BMERB1: variants seen among roughly 807,000 people sequenced by gnomAD.
BMERB1 encodes bMERB domain containing 1, also known as bMERB domain-containing protein 1.
BMERB1 carries 12 observed loss-of-function variants against 23.6 expected under a neutral mutation model. The observed-to-expected ratio is 0.51, with a 90% CI of 0.33 to 0.82. BMERB1 has a LOEUF of 0.82. Ranked by LOEUF, BMERB1 falls within the 40% of genes least tolerant of loss-of-function variation. The pLI, the probability that BMERB1 is intolerant of heterozygous loss-of-function variation, is 0.03. For missense variants in BMERB1, 247 were observed against 255.4 expected (o/e 0.97, Z 0.22); for synonymous variants, 122 against 96.6 (o/e 1.26, Z -1.54).
At chr16:15,468,089 T>C (rs550401723) in intron 1 of BMERB1, among the ~76,000 whole-genome samples, 1 of 151,844 alleles carries the variant, frequency 6.6e-6, no homozygotes, top group African/African-American at 2.4e-5. Flanking sequence ...ATATTTCTTT[T>C]CTTTTTTTTT....
At chr16:15,441,853 A>G (rs1350380618) in intron 1 of BMERB1, among the ~76,000 whole-genome samples, 2 of 152,158 alleles carry the variant, frequency 1.3e-5, no homozygotes, top group African/African-American at 4.8e-5. Context: ...CATGTTGGGT[A>G]CTAGATGGGG....
At chr16:15,521,668 C>T (rs972859958) in intron 2 of BMERB1, among the ~76,000 whole-genome samples, 1 of 152,120 alleles carries the variant, frequency 6.6e-6, no homozygotes, top group African/African-American at 2.4e-5. Context: ...TTGCTTGACC[C>T]CTGGTTTCCA....
rs114626533 is a variant in BMERB1 at position 15,457,917 on chromosome 16, A to C, written c.106+23158A>C. Among the ~76,000 whole-genome samples, 576 of 152,326 alleles carry C rather than the reference A, an allele frequency of 3.8e-3. 4 individuals are homozygous for C. Among genetic ancestry groups the C allele is most frequent in the African/African-American group, 0.013 (560 of 41,570 alleles). On this transcript the variant is annotated intron_variant, in intron 1 of 5. Coordinates refer to ENST00000300006, the MANE Select transcript of BMERB1 (RefSeq NM_033201.3). Reference sequence around the variant, plus strand: ...AGAAAGCAAACATATCCTTCTTCACAGGGCAGTAGAAGAGAAAGAACGAGC... The same window carrying C: ...AGAAAGCAAACATATCCTTCTTCACCGGGCAGTAGAAGAGAAAGAACGAGC...
chr16:15,520,514 A>G (rs1362465581), intron 2 of BMERB1, among the ~76,000 whole-genome samples: 1 of 135,222 alleles, frequency 7.4e-6, no homozygotes, highest in African/African-American at 2.9e-5. Flanking sequence ...AAGAGTCTCG[A>G]TCTGCCACCC....
intron 2 of BMERB1, among the ~76,000 whole-genome samples, chr16:15,553,054 C>A (rs1598515462): frequency 3.3e-5 from 5 of 152,246 alleles, no homozygotes; most frequent in African/African-American, 1.2e-4. Context: ...GTTGCCCAGG[C>A]TGGAGTTCAG....
intron 2 of BMERB1, among the ~76,000 whole-genome samples, chr16:15,519,710 C>G (rs2051825951): frequency 6.6e-6 from 1 of 151,922 alleles, no homozygotes; most frequent in Admixed American, 6.6e-5. Flanking sequence ...AGCATGAGTC[C>G]GGGGGGGACT....
chr16:15,462,139 T>G (rs947391940), intron 1 of BMERB1, among the ~76,000 whole-genome samples: 20 of 10,370 alleles, frequency 1.9e-3, no homozygotes, highest in African/African-American at 6.6e-3. Flanking sequence ...TGTCCTGCCT[T>G]TTTTTTTTTT....
intron 1 of BMERB1, among the ~76,000 whole-genome samples, chr16:15,511,775 G>A (rs2051668545): frequency 6.6e-6 from 1 of 152,108 alleles, no homozygotes; most frequent in African/African-American, 2.4e-5. Flanking sequence ...ACTTTGGGAA[G>A]CCAAGGCTGG....
intron 1 of BMERB1, among the ~76,000 whole-genome samples, chr16:15,499,872 A>G (rs534510317): frequency 8.9e-4 from 135 of 152,324 alleles, no homozygotes; most frequent in African/African-American, 3.2e-3. Context: ...AGCTCCAGAT[A>G]AGGAGTCGGG....
At chr16:15,517,211 A>G (rs1466852266) in intron 2 of BMERB1, among the ~76,000 whole-genome samples, 3 of 152,198 alleles carry the variant, frequency 2.0e-5, no homozygotes, top group African/African-American at 7.2e-5. Flanking sequence ...CCTGTGTTTT[A>G]AAAGGAAGAC....
At chr16:15,465,157 G>A (rs1207081099) in intron 1 of BMERB1, among the ~76,000 whole-genome samples, 3 of 152,016 alleles carry the variant, frequency 2.0e-5, no homozygotes, top group East Asian at 1.9e-4. Context: ...TGTAAAACTG[G>A]TGAAATCTGA....
intron 4 of BMERB1, 119 bp downstream of exon 4, chr16:15,581,450 C>A: frequency 4.0e-6 from 3 of 745,718 alleles, no homozygotes; most frequent in South Asian, 4.0e-5. Flanking sequence ...TGGCCTTGAT[C>A]CACAGTCTCT....
chr16:15,583,035 A>G, intron 4 of BMERB1, 121 bp from the exon 5 acceptor site: 2 of 768,354 alleles, frequency 2.6e-6, no homozygotes, highest in Non-Finnish European at 4.7e-6. Flanking sequence ...ATAACACGTG[A>G]CAACATACAT....
chr16:15,560,792 C>CAAAAT (rs542191165), intron 2 of BMERB1, among the ~76,000 whole-genome samples: 9 of 149,994 alleles, frequency 6.0e-5, no homozygotes, highest in East Asian at 2.0e-4. Flanking sequence ...GACTCCATCT[C>CAAAAT]AAAATAAAAT....
At chr16:15,518,968 G>A (rs950897423) in intron 2 of BMERB1, among the ~76,000 whole-genome samples, 2 of 151,916 alleles carry the variant, frequency 1.3e-5, no homozygotes, top group African/African-American at 2.4e-5. Flanking sequence ...TCCTCACAAC[G>A]TCTTCCCAGC....
chr16:15,560,550 G>A (rs1159334209), intron 2 of BMERB1, among the ~76,000 whole-genome samples: 1 of 152,104 alleles, frequency 6.6e-6, no homozygotes, highest in East Asian at 1.9e-4. Flanking sequence ...CCAGCACTTT[G>A]GGAGGCTGAG....
intron 4 of BMERB1, among the ~76,000 whole-genome samples, chr16:15,582,369 C>T (rs999355844): frequency 2.0e-5 from 3 of 152,178 alleles, no homozygotes; most frequent in Non-Finnish European, 4.4e-5. Context: ...CCAATGCACT[C>T]TAGCCTGGGT....
chr16:15,484,646 C>T (rs1567464407), intron 1 of BMERB1, among the ~76,000 whole-genome samples: 2 of 152,306 alleles, frequency 1.3e-5, no homozygotes, highest in Middle Eastern at 3.4e-3. Context: ...AGGTAATCTG[C>T]CCACCTTGGC....
At chr16:15,509,343 G>T (rs1598481310) in intron 1 of BMERB1, among the ~76,000 whole-genome samples, 2 of 139,930 alleles carry the variant, frequency 1.4e-5, no homozygotes, top group East Asian at 4.8e-4. Flanking sequence ...GGTGGGGGGG[G>T]AGAGAGAGAG....
Sources: allele counts gnomAD v4.1 joint callset (sites outside exome capture counted in the v4.1 genomes callset), GRCh38; gene constraint gnomAD v4.1.1; transcripts MANE v1.5; gene names NCBI Gene and HGNC (gene_info 2026-07-23, HGNC 2026-07-21).